The following DLG2 variants were observed in gnomAD, a reference collection of about 807,000 sequenced individuals.
The protein encoded by DLG2 is disks large homolog 2.
In DLG2, 45 loss-of-function variants were observed where a neutral mutation model predicts 132.5. The ratio of observed to expected loss-of-function variants is 0.34; its 90% CI spans 0.27 to 0.44. DLG2 has a LOEUF of 0.44. Ranked by LOEUF, DLG2 falls within the 20% of genes least tolerant of loss-of-function variation. The pLI is 1.00. For synonymous variants in DLG2, 424 were observed against 419.6 expected, an observed-to-expected ratio of 1.01 and a Z score of -0.13; for missense variants, 1,045 against 1,196.9, an observed-to-expected ratio of 0.87 and a Z score of 1.87.
At chr11:84,536,047 T>C (rs576167401) in intron 6 of DLG2, among the ~76,000 whole-genome samples, 23 of 151,978 alleles carry the variant, frequency 1.5e-4, no homozygotes, top group Non-Finnish European at 2.5e-4. Flanking sequence ...ATTCAATCTG[T>C]TGTTCACTCT....
intron 16 of DLG2, among the ~76,000 whole-genome samples, chr11:83,841,705 T>C (rs748162227): frequency 2.6e-5 from 4 of 152,242 alleles, no homozygotes; most frequent in Non-Finnish European, 4.4e-5. Flanking sequence ...GTATGGAATG[T>C]ATAGAAGACA....
chr11:85,075,969 C>G (rs753782299), intron 6 of DLG2, among the ~76,000 whole-genome samples: 2 of 151,950 alleles, frequency 1.3e-5, no homozygotes, highest in Non-Finnish European at 2.9e-5. Context: ...GGAACAGCAA[C>G]ACGCCTTGCC....
At chr11:83,708,635 T>A (rs1224240963) in intron 18 of DLG2, among the ~76,000 whole-genome samples, 3 of 152,240 alleles carry the variant, frequency 2.0e-5, no homozygotes, top group South Asian at 2.1e-4. Flanking sequence ...GCCATTTTTT[T>A]AAATTACAGA....
chr11:85,236,106 A>G (rs2075573480), intron 4 of DLG2, among the ~76,000 whole-genome samples: 1 of 151,990 alleles, frequency 6.6e-6, no homozygotes, highest in African/African-American at 2.4e-5. Context: ...ATATTAATTC[A>G]TTTAATCTTC....
At chr11:83,477,124 T>A (rs1366195101) in intron 22 of DLG2, among the ~76,000 whole-genome samples, 1 of 152,072 alleles carries the variant, frequency 6.6e-6, no homozygotes, top group Non-Finnish European at 1.5e-5. Context: ...CTTGCACACA[T>A]CCATGATGAT....
chr11:84,905,979 C>T (rs2091457175), intron 6 of DLG2, among the ~76,000 whole-genome samples: 2 of 152,076 alleles, frequency 1.3e-5, no homozygotes. Flanking sequence ...ATTAAAAATG[C>T]CTTGTATAAA....
At chr11:85,555,518 T>C (rs1218056875) in intron 3 of DLG2, among the ~76,000 whole-genome samples, 1 of 151,932 alleles carries the variant, frequency 6.6e-6, no homozygotes, top group South Asian at 2.1e-4. Context: ...AGAAGCTGCC[T>C]AATTTTCTAA....
chr11:84,979,266 G>C (rs1026722966), intron 6 of DLG2, among the ~76,000 whole-genome samples: 1 of 152,176 alleles, frequency 6.6e-6, no homozygotes, highest in Admixed American at 6.5e-5. Flanking sequence ...TCAGGGATCT[G>C]GAACTAGAAA....
At chr11:84,034,673 T>C (rs967018217) in intron 11 of DLG2, among the ~76,000 whole-genome samples, 1 of 152,072 alleles carries the variant, frequency 6.6e-6, no homozygotes, top group Non-Finnish European at 1.5e-5. Flanking sequence ...CAGAGTAAAT[T>C]TGCATCCAGT....
At chr11:85,258,820 C>G (rs187654136) in intron 4 of DLG2, among the ~76,000 whole-genome samples, 1 of 152,236 alleles carries the variant, frequency 6.6e-6, no homozygotes, top group East Asian at 1.9e-4. Context: ...TCAAGCTCTG[C>G]CCTCTCAAAG....
intron 6 of DLG2, among the ~76,000 whole-genome samples, chr11:84,875,019 CA>C (rs563276131): frequency 0.02 from 1,211 of 59,880 alleles, 2 homozygotes; most frequent in African/African-American, 0.04. Context: ...TACTTCATCT[CA>C]AAAAAAAAAA....
At chr11:84,586,009 G>T (rs1388438935) in intron 6 of DLG2, among the ~76,000 whole-genome samples, 3 of 152,082 alleles carry the variant, frequency 2.0e-5, no homozygotes, top group African/African-American at 7.2e-5. Flanking sequence ...AAACTAGCCG[G>T]GCATGATGGT....
chr11:84,224,864 T>A (rs2096967620), intron 8 of DLG2, among the ~76,000 whole-genome samples: 1 of 152,192 alleles, frequency 6.6e-6, no homozygotes, highest in African/African-American at 2.4e-5. Flanking sequence ...ATGTATCTGA[T>A]CTTTCTTTGT....
At chr11:83,900,857 G>T (rs1357517218) in intron 15 of DLG2, among the ~76,000 whole-genome samples, 1 of 152,188 alleles carries the variant, frequency 6.6e-6, no homozygotes, top group Non-Finnish European at 1.5e-5. Context: ...CTGACAGCTT[G>T]CACTGTGTGC....
intron 9 of DLG2, among the ~76,000 whole-genome samples, chr11:84,112,901 T>A (rs535288626): frequency 6.6e-6 from 1 of 152,340 alleles, no homozygotes; most frequent in East Asian, 1.9e-4. Context: ...TCTCTTAAGT[T>A]TTCTGAACTA....
At chr11:84,026,702 T>C (rs2095544805) in intron 11 of DLG2, among the ~76,000 whole-genome samples, 1 of 152,108 alleles carries the variant, frequency 6.6e-6, no homozygotes, top group African/African-American at 2.4e-5. Context: ...CCCCACTCCA[T>C]ATTCCCAGTG....
intron 14 of DLG2, among the ~76,000 whole-genome samples, chr11:83,941,808 A>G (rs192919091): frequency 6.6e-6 from 1 of 152,250 alleles, no homozygotes; most frequent in Non-Finnish European, 1.5e-5. Flanking sequence ...TCTATACATA[A>G]GCATGCAGAT....
chr11:83,610,542 C>T (rs1016385730), intron 19 of DLG2, among the ~76,000 whole-genome samples: 4 of 116,254 alleles, frequency 3.4e-5, no homozygotes, highest in Non-Finnish European at 5.3e-5. Flanking sequence ...AACCAACTAT[C>T]GAACAGACAG....
chr11:84,982,233 C>A (rs574969696), intron 6 of DLG2, among the ~76,000 whole-genome samples: 1 of 151,854 alleles, frequency 6.6e-6, no homozygotes, highest in Non-Finnish European at 1.5e-5. Flanking sequence ...AAACATAGTC[C>A]CCTTCTCTGA....
Sources: allele counts gnomAD v4.1 joint callset (sites outside exome capture counted in the v4.1 genomes callset), GRCh38; gene constraint gnomAD v4.1.1; transcripts MANE v1.5; gene names NCBI Gene and HGNC (gene_info 2026-07-23, HGNC 2026-07-21).